EYS: variants seen among roughly 807,000 people sequenced by gnomAD.
The protein encoded by EYS is protein eyes shut homolog.
A neutral mutation model predicts 282.1 loss-of-function variants in EYS; 250 were observed. That is an observed-to-expected ratio of 0.89 (90% CI 0.80 to 0.98). EYS has a LOEUF of 0.98. EYS is among the 50% of genes least tolerant of loss of function. The pLI is 0.00. For synonymous variants in EYS, 1,355 were observed against 1,282.9 expected, an observed-to-expected ratio of 1.06 and a Z score of -1.20; for missense variants, 4,016 against 3,709.0, an observed-to-expected ratio of 1.08 and a Z score of -2.15.
intron 35 of EYS, among the ~76,000 whole-genome samples, chr6:63,867,773 G>C (rs767800989): frequency 6.6e-6 from 1 of 152,158 alleles, no homozygotes; most frequent in African/African-American, 2.4e-5. Flanking sequence ...TCCTGAATGC[G>C]TTTGCTAAAT....
intron 12 of EYS, among the ~76,000 whole-genome samples, chr6:65,248,167 T>C (rs768238070): frequency 6.6e-6 from 1 of 152,114 alleles, no homozygotes; most frequent in Non-Finnish European, 1.5e-5. Flanking sequence ...TGTGATTTAA[T>C]GGCCTACTAT....
intron 12 of EYS, among the ~76,000 whole-genome samples, chr6:65,073,868 C>T (rs1185610080): frequency 1.3e-5 from 2 of 151,700 alleles, no homozygotes; most frequent in Non-Finnish European, 2.9e-5. Context: ...TTTAAAAATG[C>T]GCACAACTAA....
At chr6:64,410,713 C>T (rs1268769453) in intron 28 of EYS, among the ~76,000 whole-genome samples, 1 of 152,050 alleles carries the variant, frequency 6.6e-6, no homozygotes, top group African/African-American at 2.4e-5. Flanking sequence ...AGTAATATGA[C>T]AAATAAAACA....
At chr6:64,330,621 G>C (rs776522553) in intron 29 of EYS, among the ~76,000 whole-genome samples, 39 of 152,164 alleles carry the variant, frequency 2.6e-4, no homozygotes, top group Non-Finnish European at 5.0e-4. Flanking sequence ...ATTTGTTCAA[G>C]TGACTAGACT....
intron 35 of EYS, among the ~76,000 whole-genome samples, chr6:63,984,129 T>TTG (rs1304865406): frequency 6.6e-6 from 1 of 151,778 alleles, no homozygotes; most frequent in Non-Finnish European, 1.5e-5. Context: ...CATTTGAAAT[T>TTG]GCCAAAACCA....
At chr6:63,924,351 G>A (rs1374826500) in intron 35 of EYS, among the ~76,000 whole-genome samples, 1 of 152,100 alleles carries the variant, frequency 6.6e-6, no homozygotes, top group Non-Finnish European at 1.5e-5. Context: ...TGCTTCGTGT[G>A]GAAAAAGAAG....
intron 33 of EYS, among the ~76,000 whole-genome samples, chr6:64,042,028 G>C (rs1378470252): frequency 6.6e-6 from 1 of 152,120 alleles, no homozygotes; most frequent in Non-Finnish European, 1.5e-5. Context: ...GTGTAAGTGA[G>C]AAAAGGTAAA....
At chr6:64,421,843 CA>C (rs1774242199) in intron 28 of EYS, among the ~76,000 whole-genome samples, 1 of 147,562 alleles carries the variant, frequency 6.8e-6, no homozygotes, top group South Asian at 2.2e-4. Context: ...AGAGAGAGCG[CA>C]TTTTTTTGTT....
At chr6:63,864,165 T>C in intron 36 of EYS, 21 bp downstream of exon 36, 1 of 1,445,786 alleles carries the variant, frequency 6.9e-7, no homozygotes, top group Non-Finnish European at 9.2e-7. Flanking sequence ...TGCTCCATGT[T>C]TAATAATCAA....
intron 28 of EYS, among the ~76,000 whole-genome samples, chr6:64,400,974 A>T (rs1428886941): frequency 6.6e-6 from 1 of 152,030 alleles, no homozygotes; most frequent in Non-Finnish European, 1.5e-5. Flanking sequence ...TCTATCCATT[A>T]AGTTTATGTA....
intron 33 of EYS, among the ~76,000 whole-genome samples, chr6:64,036,788 T>G (rs190727527): frequency 1.2e-4 from 18 of 152,348 alleles, no homozygotes; most frequent in African/African-American, 4.1e-4. Context: ...TCTCTTTCAA[T>G]CTATGATGTA....
chr6:64,133,476 TCACACA>T (rs61088369), intron 31 of EYS, among the ~76,000 whole-genome samples: 6,551 of 142,428 alleles, frequency 0.046, 148 homozygotes, highest in African/African-American at 0.066. Flanking sequence ...TTGCATTACT[TCACACA>T]CACACACACA....
intron 36 of EYS, among the ~76,000 whole-genome samples, chr6:63,847,673 G>A (rs1414818010): frequency 6.6e-6 from 1 of 152,120 alleles, no homozygotes; most frequent in African/African-American, 2.4e-5. Context: ...TTTTTTGCCT[G>A]AGTTGACAAA....
intron 2 of EYS, among the ~76,000 whole-genome samples, chr6:65,625,383 G>A (rs1300138656): frequency 6.6e-6 from 1 of 152,150 alleles, no homozygotes; most frequent in Non-Finnish European, 1.5e-5. Flanking sequence ...CTAAGGTTGT[G>A]GCAATTTGTT....
At chr6:65,022,828 T>C (rs920373241) in intron 13 of EYS, among the ~76,000 whole-genome samples, 6 of 151,818 alleles carry the variant, frequency 4.0e-5, no homozygotes, top group Non-Finnish European at 8.8e-5. Flanking sequence ...ACATCATTTG[T>C]ATGACATAGT....
intron 29 of EYS, among the ~76,000 whole-genome samples, chr6:64,386,240 A>G (rs149635390): frequency 6.6e-6 from 1 of 152,310 alleles, no homozygotes; most frequent in East Asian, 1.9e-4. Context: ...CCCAAAAGCA[A>G]CTGTATTAGT....
intron 35 of EYS, among the ~76,000 whole-genome samples, 155 bp downstream of exon 35, chr6:63,984,228 A>G (rs1767242123): frequency 6.6e-6 from 1 of 151,782 alleles, no homozygotes; most frequent in Non-Finnish European, 1.5e-5. Flanking sequence ...ACAAGAATTT[A>G]CCACATGTGT....
In EYS at chr6:65,344,147, A is replaced by G. The variant is rs1417899816; in HGVS notation, c.1490T>C (p.Ile497Thr). The G allele has an allele frequency of 1.3e-5, 21 of 1,610,464 alleles. No homozygotes were observed. Among genetic ancestry groups the G allele is most frequent in the Non-Finnish European group, 1.6e-5 (19 of 1,177,770 alleles). Residue 497 changes from isoleucine to threonine, a missense_variant, in exon 10 of 43, where the codon ATT becomes ACT. Transcript: ENST00000503581. ...GSEGEKCQGV[I>T]DAYFFLAANC... ...TGCAGCCAGAAAGAAATAGGCATCAATAACCCCTTGGCACTTTTCGCCTTC... is the reference window on the plus strand; with the variant it reads ...TGCAGCCAGAAAGAAATAGGCATCAGTAACCCCTTGGCACTTTTCGCCTTC...
chr6:65,553,882 TA>T (rs1768692862), intron 2 of EYS, among the ~76,000 whole-genome samples: 1 of 152,054 alleles, frequency 6.6e-6, no homozygotes, highest in African/African-American at 2.4e-5. Context: ...ATAAAATATT[TA>T]AAAAATATGT....
Sources: allele counts gnomAD v4.1 joint callset (sites outside exome capture counted in the v4.1 genomes callset), GRCh38; gene constraint gnomAD v4.1.1; transcripts MANE v1.5; gene names NCBI Gene and HGNC (gene_info 2026-07-23, HGNC 2026-07-21).